Variants in ERC2 observed in about 807,000 individuals in gnomAD.
ERC2 encodes the protein ERC protein 2.
In ERC2, 42 loss-of-function variants were observed where a neutral mutation model predicts 114.8. The observed-to-expected ratio is 0.37, with a 90% CI of 0.29 to 0.47. The LOEUF (loss-of-function observed/expected upper bound fraction) is 0.47. Among genes scored for constraint, ERC2 ranks in the 20% least tolerant of loss-of-function variants. ERC2 has a pLI of 0.99. For missense variants in ERC2, 939 were observed against 1,150.7 expected (o/e 0.82, Z 2.66); for synonymous variants, 454 against 425.5 (o/e 1.07, Z -0.82).
intron 2 of ERC2, among the ~76,000 whole-genome samples, chr3:56,300,497 G>A (rs1293751134): frequency 6.6e-6 from 1 of 152,008 alleles, no homozygotes; most frequent in Non-Finnish European, 1.5e-5. Context: ...CTTATTTGAA[G>A]GGCAAATGAG....
intron 14 of ERC2, among the ~76,000 whole-genome samples, chr3:55,756,755 A>C (rs1234394394): frequency 6.6e-6 from 1 of 152,180 alleles, no homozygotes; most frequent in African/African-American, 2.4e-5. Context: ...TTTAGAAAGA[A>C]TAGTCAGTCC....
chr3:55,987,533 G>A (rs2070731156), intron 11 of ERC2, among the ~76,000 whole-genome samples: 1 of 152,128 alleles, frequency 6.6e-6, no homozygotes, highest in Non-Finnish European at 1.5e-5. Context: ...AAATTACTCG[G>A]CAAGAAACAT....
chr3:56,201,875 A>T (rs2048428426), intron 3 of ERC2, among the ~76,000 whole-genome samples: 1 of 152,188 alleles, frequency 6.6e-6, no homozygotes, highest in Non-Finnish European at 1.5e-5. Context: ...TTTCCAGCGA[A>T]TTCTTCTTTC....
intron 3 of ERC2, chr3:56,173,871 A>C: frequency 5.1e-6 from 1 of 196,030 alleles, no homozygotes; most frequent in Non-Finnish European, 1.0e-5. Context: ...CCCAATACAA[A>C]CACAGCAAGG....
intron 17 of ERC2, among the ~76,000 whole-genome samples, chr3:55,582,938 G>A (rs755505871): frequency 1.2e-4 from 18 of 152,216 alleles, no homozygotes; most frequent in Non-Finnish European, 1.5e-4. Flanking sequence ...TGCCAGATAA[G>A]TGACTTTATG....
At chr3:55,558,255 C>T (rs986985389) in intron 17 of ERC2, among the ~76,000 whole-genome samples, 2 of 152,126 alleles carry the variant, frequency 1.3e-5, no homozygotes, top group Non-Finnish European at 1.5e-5. Context: ...TGGTTTTGCC[C>T]ACCTCTAGCA....
intron 2 of ERC2, among the ~76,000 whole-genome samples, chr3:56,425,072 T>C (rs545271890): frequency 6.6e-6 from 1 of 152,310 alleles, no homozygotes; most frequent in Admixed American, 6.5e-5. Flanking sequence ...AATTGACATC[T>C]GTTTTTGTCT....
intron 2 of ERC2, among the ~76,000 whole-genome samples, chr3:56,420,500 C>T (rs144619272): frequency 1.2e-3 from 190 of 152,006 alleles, no homozygotes; most frequent in African/African-American, 4.2e-3. Context: ...CAACGAAAAC[C>T]ATCAAATTAT....
chr3:55,779,458 G>A (rs957887701), intron 14 of ERC2, among the ~76,000 whole-genome samples: 5 of 151,478 alleles, frequency 3.3e-5, no homozygotes, highest in African/African-American at 4.8e-5. Context: ...CCGAGATTGC[G>A]CTACTGCACT....
intron 2 of ERC2, among the ~76,000 whole-genome samples, chr3:56,382,341 G>C (rs982813237): frequency 1.3e-5 from 2 of 151,742 alleles, no homozygotes; most frequent in African/African-American, 2.4e-5. Flanking sequence ...ATCTCAAAAA[G>C]GCCTTCTCTT....
intron 6 of ERC2, among the ~76,000 whole-genome samples, chr3:56,138,656 CAA>C (rs1418265924): frequency 1.3e-5 from 2 of 152,162 alleles, no homozygotes; most frequent in Non-Finnish European, 2.9e-5. Flanking sequence ...TCAAAGAGCC[CAA>C]GAGAGAGCAT....
chr3:55,745,206 C>G (rs2066231271), intron 14 of ERC2, among the ~76,000 whole-genome samples: 1 of 152,168 alleles, frequency 6.6e-6, no homozygotes, highest in Non-Finnish European at 1.5e-5. Flanking sequence ...AGAGTTGCAT[C>G]CCAGACAAGC....
At chr3:55,837,856 A>C (rs2060966550) in intron 14 of ERC2, among the ~76,000 whole-genome samples, 1 of 142,784 alleles carries the variant, frequency 7.0e-6, no homozygotes, top group African/African-American at 2.5e-5. Context: ...ACACAGATTA[A>C]ATGTAATAAA....
At chr3:55,692,994 A>G (rs1221013820) in intron 16 of ERC2, among the ~76,000 whole-genome samples, 2 of 152,232 alleles carry the variant, frequency 1.3e-5, no homozygotes, top group African/African-American at 2.4e-5. Flanking sequence ...GGGAATTTTC[A>G]GCAGAAAATG....
At chr3:56,242,715 A>G (rs779538590) in intron 3 of ERC2, among the ~76,000 whole-genome samples, 4 of 152,142 alleles carry the variant, frequency 2.6e-5, no homozygotes, top group Non-Finnish European at 5.9e-5. Flanking sequence ...TTCCAAGGAA[A>G]AAAAGGAGGA....
intron 12 of ERC2, among the ~76,000 whole-genome samples, chr3:55,981,543 G>T (rs1332017914): frequency 6.6e-6 from 1 of 152,158 alleles, no homozygotes; most frequent in Non-Finnish European, 1.5e-5. Flanking sequence ...CCAACACCCA[G>T]CCAGCACAGA....
chr3:55,563,395 A>G (rs1317652995), intron 17 of ERC2, among the ~76,000 whole-genome samples: 1 of 149,226 alleles, frequency 6.7e-6, no homozygotes, highest in East Asian at 2.0e-4. Flanking sequence ...CGTATTTGGT[A>G]CCTGGACACT....
intron 2 of ERC2, among the ~76,000 whole-genome samples, chr3:56,378,885 G>T (rs1160319072): frequency 6.6e-6 from 1 of 152,132 alleles, no homozygotes; most frequent in African/African-American, 2.4e-5. Flanking sequence ...TCTTAAGTTA[G>T]CCCTGCACAG....
intron 12 of ERC2, among the ~76,000 whole-genome samples, chr3:55,971,858 T>C (rs2069182495): frequency 6.6e-6 from 1 of 152,204 alleles, no homozygotes; most frequent in African/African-American, 2.4e-5. Context: ...CCACCCAAGA[T>C]TGGGAGTCAA....
Sources: gnomAD v4.1 joint callset for allele counts (sites outside exome capture counted in the v4.1 genomes callset) on GRCh38, gnomAD v4.1.1 for gene constraint, MANE v1.5 for transcripts, NCBI Gene and HGNC (gene_info 2026-07-23, HGNC 2026-07-21) for gene names.